Variants in PTPRN2 observed in about 807,000 individuals in gnomAD.
PTPRN2 encodes protein tyrosine phosphatase receptor type N2.
PTPRN2 carries 74 observed loss-of-function variants against 118.8 expected under a neutral mutation model. That is an observed-to-expected ratio of 0.62 (90% CI 0.52 to 0.76). The LOEUF is 0.76. Ranked by LOEUF, PTPRN2 falls within the 30% of genes least tolerant of loss-of-function variation. PTPRN2 has a pLI of 0.00. For synonymous variants in PTPRN2, 641 were observed against 608.0 expected (o/e 1.05, Z -0.80); for missense variants, 1,481 against 1,394.4 (o/e 1.06, Z -0.99).
Position 158,346,421 on chromosome 7 carries a change from G to A in PTPRN2, c.164-29489C>T, listed in dbSNP as rs753604027. Among the ~76,000 whole-genome samples, 27 of 152,258 alleles carry A rather than the reference G, an allele frequency of 1.8e-4. 1 individual carries two copies. The highest frequency in any genetic ancestry group is 3.4e-3 in the Middle Eastern group (1 of 294). On this transcript the variant is annotated intron_variant, in intron 2 of 22. Coordinates refer to ENST00000389418, the MANE Select transcript of PTPRN2 (RefSeq NM_002847.5). ...CTGTGCCTGGCTTATTTCACTCAGC[G>A]TAATGCTTTCCAATTCCATCCATGA...
At chr7:157,579,949 CATCT>C (rs1201298933) in intron 17 of PTPRN2, among the ~76,000 whole-genome samples, 2 of 152,192 alleles carry the variant, frequency 1.3e-5, no homozygotes, top group African/African-American at 4.8e-5. Flanking sequence ...GGCATTTCTC[CATCT>C]GTTTCCAGCC....
At chr7:158,206,952 TC>T (rs1354701187) in intron 3 of PTPRN2, among the ~76,000 whole-genome samples, 12 of 83,790 alleles carry the variant, frequency 1.4e-4, no homozygotes, top group African/African-American at 4.7e-4. Flanking sequence ...ATGCTATCCC[TC>T]CCCCCTCCCC....
intron 11 of PTPRN2, among the ~76,000 whole-genome samples, chr7:157,937,620 G>A (rs546150861): frequency 6.6e-6 from 1 of 152,346 alleles, no homozygotes; most frequent in Non-Finnish European, 1.5e-5. Flanking sequence ...GCCAGGCAGG[G>A]GCTCTTCAGT....
At chr7:158,396,298 A>G (rs1429245589) in intron 2 of PTPRN2, among the ~76,000 whole-genome samples, 1 of 152,210 alleles carries the variant, frequency 6.6e-6, no homozygotes, top group Non-Finnish European at 1.5e-5. Context: ...TGCTGGGGAA[A>G]TGATTAATGC....
chr7:157,671,984 C>T lies in PTPRN2; in HGVS notation c.2001+10741G>A, dbSNP rs540357093. Among the ~76,000 whole-genome samples, 17 of 152,182 alleles carry T rather than the reference C, an allele frequency of 1.1e-4. 1 individual carries two copies. The highest frequency in any genetic ancestry group is 2.6e-4 in the Admixed American group (4 of 15,290). ...GGGGCAGCAGCCCTGGAGGAAAACC[C>T]GTGAGCGAGTCGTGGAGGGAGTGTG... On this transcript the variant is annotated intron_variant, in intron 13 of 22. Transcript: ENST00000389418. This position sits in a 1 kb window ranked among gnomAD's most constrained non-coding sequence, Gnocchi z 4.1.
At chr7:157,838,372 C>T (rs528680276) in intron 12 of PTPRN2, among the ~76,000 whole-genome samples, 2 of 148,200 alleles carry the variant, frequency 1.3e-5, no homozygotes, top group African/African-American at 5.1e-5. Context: ...TGGGAGAAAG[C>T]TGCTCTCTGC....
chr7:157,608,072 G>A (rs1802110490), intron 15 of PTPRN2, among the ~76,000 whole-genome samples: 1 of 152,126 alleles, frequency 6.6e-6, no homozygotes, highest in South Asian at 2.1e-4. Context: ...TACCAGCGAA[G>A]TCTTTTTTTT....
chr7:157,590,769 C>T lies in PTPRN2; in HGVS notation c.2496+4469G>A, dbSNP rs1465825687. ...CCCCTGAACCCGTCTTCCAGGCTCC[C>T]CCCTTCTGGACCCATGGGCCCCTGT... is the stretch of plus-strand genomic sequence containing the variant. On this transcript the variant is annotated intron_variant, in intron 17 of 22. Coordinates refer to ENST00000389418, the MANE Select transcript of PTPRN2 (RefSeq NM_002847.5). The surrounding 1 kb of genome is among the most constrained non-coding windows in gnomAD (Gnocchi z 4.0). Among the ~76,000 whole-genome samples the T allele has an allele frequency of 1.3e-5, 2 of 152,136 alleles. No individual in the cohort carries two copies. The highest frequency in any genetic ancestry group is 4.8e-5 in the African/African-American group (2 of 41,420).
intron 22 of PTPRN2, among the ~76,000 whole-genome samples, chr7:157,547,951 C>T (rs908654633): frequency 2.0e-5 from 3 of 152,132 alleles, no homozygotes; most frequent in Non-Finnish European, 4.4e-5. Flanking sequence ...CCTGGGGGGG[C>T]GCGTAGGGCA....
Position 158,555,287 on chromosome 7 carries a change from C to T in PTPRN2, c.112+32271G>A, listed in dbSNP as rs112432341. 7.6e-3 allele frequency among the ~76,000 whole-genome samples: 1,157 copies of T among 152,342 alleles called. 12 individuals carry two copies. Among genetic ancestry groups the T allele is most frequent in the African/African-American group, 0.026 (1,093 of 41,582 alleles). ...AGCTGCCTTTTGGGGGAGGTTGGGGCTTATGCCTTAGGGCGCCAGTCAGGT... is the reference window on the plus strand; with the variant it reads ...AGCTGCCTTTTGGGGGAGGTTGGGGTTTATGCCTTAGGGCGCCAGTCAGGT... On this transcript the variant is annotated intron_variant, in intron 1 of 22. Coordinates refer to ENST00000389418, the MANE Select transcript of PTPRN2 (RefSeq NM_002847.5). The surrounding 1 kb of genome is among the most constrained non-coding windows in gnomAD (Gnocchi z 4.7).
At chr7:158,084,969 C>G (rs1585383207) in intron 10 of PTPRN2, among the ~76,000 whole-genome samples, 1 of 141,316 alleles carries the variant, frequency 7.1e-6, no homozygotes, top group African/African-American at 2.6e-5. Flanking sequence ...CCCATCCACA[C>G]CCACGACGCC....
At chr7:158,322,959 C>T (rs953136027) in intron 2 of PTPRN2, among the ~76,000 whole-genome samples, 19 of 152,220 alleles carry the variant, frequency 1.2e-4, no homozygotes, top group Admixed American at 9.2e-4. Flanking sequence ...CCTGGATAGA[C>T]TGGAGCCATC....
intron 11 of PTPRN2, among the ~76,000 whole-genome samples, chr7:157,958,784 T>C (rs958322151): frequency 6.6e-6 from 1 of 152,340 alleles, no homozygotes; most frequent in East Asian, 1.9e-4. Context: ...ACATCCCATC[T>C]TCACGTATTA....
chr7:158,146,939 T>C (rs570834679), intron 6 of PTPRN2, among the ~76,000 whole-genome samples: 45 of 120,646 alleles, frequency 3.7e-4, no homozygotes, highest in African/African-American at 8.0e-4. Flanking sequence ...TCACGCCACG[T>C]GTCTTTCCCC....
At position 158,136,725 on chromosome 7, in the gene PTPRN2, CTCATCAAGAATG is replaced by C. The variant is rs568134217; in HGVS notation, c.1133-42_1133-31del. On this transcript the variant is annotated intron_variant, in intron 7 of 22. Transcript: ENST00000389418. ...AAAAGACACCAGTGTTACCAAGACC[CTCATCAAGAATG>C]TCATCACAGGGTGCCACAGACATAA... 1,298 of 1,610,864 alleles carry C rather than the reference CTCATCAAGAATG, an allele frequency of 8.1e-4. 26 individuals carry two copies. In the South Asian group the frequency reaches 0.013, roughly 17 times the overall value.
chr7:158,196,118 C>T (rs1272812866), intron 4 of PTPRN2, among the ~76,000 whole-genome samples: 1 of 152,184 alleles, frequency 6.6e-6, no homozygotes, highest in Non-Finnish European at 1.5e-5. Flanking sequence ...AGCACTATGT[C>T]GCACCCTGTG....
At position 157,568,929 on chromosome 7, in the gene PTPRN2, C is replaced by CG. The variant is rs1379214425; in HGVS notation, c.2874dup (p.Asp959ArgfsTer12). 6.3e-7 allele frequency: 1 copy of CG among 1,577,326 alleles called. No individual in the cohort carries two copies. The highest frequency in any genetic ancestry group is 1.7e-5 in the Admixed American group (1 of 59,962). ...TTGGCCATCTTGTTGAGAACCATGT[C>CG]GATCAGGACGTAGGTGCCGCTCCGG... is the stretch of plus-strand genomic sequence containing the variant. On this transcript the variant is annotated frameshift_variant, in exon 21 of 23. Coordinates refer to ENST00000389418, the MANE Select transcript of PTPRN2 (RefSeq NM_002847.5). LOFTEE classifies it high-confidence loss of function.
chr7:157,894,386 G>A (rs1255807591), intron 12 of PTPRN2, among the ~76,000 whole-genome samples: 1 of 149,256 alleles, frequency 6.7e-6, no homozygotes, highest in Non-Finnish European at 1.5e-5. Context: ...GAGAGCTGGG[G>A]TGTGAGTTCC....
At chr7:158,470,678 A>G (rs767655490) in intron 2 of PTPRN2, among the ~76,000 whole-genome samples, 2 of 152,186 alleles carry the variant, frequency 1.3e-5, no homozygotes, top group Non-Finnish European at 2.9e-5. Flanking sequence ...AGTCTTCAAA[A>G]AATTAAAAAG....
Sources: gnomAD v4.1 joint callset for allele counts (sites outside exome capture counted in the v4.1 genomes callset) on GRCh38, gnomAD v4.1.1 for gene constraint, Gnocchi (gnomAD v3.1) non-coding constraint, MANE v1.5 for transcripts, NCBI Gene and HGNC (gene_info 2026-07-23, HGNC 2026-07-21) for gene names.